The following RASA2 variants were observed in gnomAD, a reference collection of about 807,000 sequenced individuals.
The protein encoded by RASA2 is RAS p21 protein activator 2, also known as ras GTPase-activating protein 2.
RASA2 carries 155 observed loss-of-function variants against 118.2 expected under a neutral mutation model. That is an observed-to-expected ratio of 1.31 (90% CI 1.15 to 1.50). The LOEUF (loss-of-function observed/expected upper bound fraction) is 1.50. RASA2 is among the 40% of genes most tolerant of loss of function. RASA2 has a pLI of 0.00. For synonymous variants in RASA2, 353 were observed against 349.1 expected, an observed-to-expected ratio of 1.01 and a Z score of -0.12; for missense variants, 1,016 against 1,009.6, an observed-to-expected ratio of 1.01 and a Z score of -0.09.
Position 141,572,736 on chromosome 3 carries a change from T to C in RASA2, c.1284+13T>C. On this transcript the variant is annotated intron_variant, in intron 12 of 23. Transcript: ENST00000286364. ...TATTCTTGATGAGGTACAGAATATA[T>C]CTCCAACAATGATAGTTTGTGGCCT... 6.6e-7 allele frequency: 1 copy of C among 1,523,484 alleles called. No individual in the cohort carries two copies. The highest frequency in any genetic ancestry group is 9.0e-7 in the Non-Finnish European group (1 of 1,107,892). The allele number at this position is 1,523,484 out of a possible 1,614,324, so 94.4% of individuals were successfully genotyped here. A position where few individuals can be genotyped will look rare whatever the true frequency, so the allele number is the denominator to read the frequency against.
chr3:141,602,363 A>G (rs895128389), intron 19 of RASA2, among the ~76,000 whole-genome samples: 8 of 152,174 alleles, frequency 5.3e-5, no homozygotes, highest in Non-Finnish European at 1.0e-4. Flanking sequence ...TGCACAACCT[A>G]GATCTGTTGC....
intron 17 of RASA2, among the ~76,000 whole-genome samples, chr3:141,583,388 G>A (rs1183722293): frequency 2.0e-5 from 3 of 152,072 alleles, no homozygotes; most frequent in Non-Finnish European, 4.4e-5. Context: ...TCATGCCATT[G>A]CACTCCAGCT....
At chr3:141,611,460 G>T (rs1577839794) in intron 23 of RASA2, among the ~76,000 whole-genome samples, 1 of 152,188 alleles carries the variant, frequency 6.6e-6, no homozygotes, top group Admixed American at 6.5e-5. Context: ...ACAAAGAAGT[G>T]GATAGGGCGG....
intron 3 of RASA2, among the ~76,000 whole-genome samples, chr3:141,527,968 C>G (rs75916424): frequency 0.017 from 2,641 of 152,002 alleles, 29 homozygotes; most frequent in Non-Finnish European, 0.024. Context: ...TGTATATTCA[C>G]ATAAAGATTT....
chr3:141,571,556 T>C lies in RASA2; in HGVS notation c.1169+2T>C, dbSNP rs1212931279. The C allele has an allele frequency of 1.3e-6, 2 of 1,596,696 alleles. No individual in the cohort carries two copies. Among genetic ancestry groups the C allele is most frequent in the Non-Finnish European group, 1.7e-6 (2 of 1,171,614 alleles). Reference sequence around the variant, plus strand: ...TGAATTAGACTTGAAGGATACACAGTAAGAGTTATATTTTATTAAATGTTA... The same window carrying C: ...TGAATTAGACTTGAAGGATACACAGCAAGAGTTATATTTTATTAAATGTTA... On this transcript the variant is annotated splice_donor_variant, in intron 11 of 23. Transcript: ENST00000286364. LOFTEE classifies it high-confidence loss of function.
intron 21 of RASA2, among the ~76,000 whole-genome samples, chr3:141,608,932 T>C (rs1470573464): frequency 2.0e-5 from 3 of 152,136 alleles, no homozygotes; most frequent in African/African-American, 4.8e-5. Flanking sequence ...AGTAGATTAG[T>C]GGTTACAAGG....
At chr3:141,588,025 GTAAAT>G (rs1264059005) in intron 19 of RASA2, among the ~76,000 whole-genome samples, 2 of 152,144 alleles carry the variant, frequency 1.3e-5, no homozygotes, top group Non-Finnish European at 2.9e-5. Flanking sequence ...TCTTTCTTGT[GTAAAT>G]ATACCCATAA....
chr3:141,535,689 T>C (rs2082317049), intron 4 of RASA2, among the ~76,000 whole-genome samples: 1 of 152,096 alleles, frequency 6.6e-6, no homozygotes, highest in South Asian at 2.1e-4. Flanking sequence ...GCAGGCATAT[T>C]ACATGATGAG....
At chr3:141,487,316 A>C in intron 1 of RASA2, 100 bp downstream of exon 1, 2 of 1,145,576 alleles carry the variant, frequency 1.7e-6, no homozygotes, top group East Asian at 8.6e-5. Flanking sequence ...CTGCGCTGGG[A>C]TCGCGGGCCC....
chr3:141,555,900 C>A lies in RASA2; in HGVS notation c.672C>A (p.Ile224=). 2 of 1,608,216 alleles carry A rather than the reference C, an allele frequency of 1.2e-6. No homozygotes were observed. Among genetic ancestry groups the A allele is most frequent in the Non-Finnish European group, 1.7e-6 (2 of 1,176,912 alleles). The change falls in exon 7 of 24, where the codon ATC becomes ATA. Residue 224 remains isoleucine, a synonymous_variant. Transcript: ENST00000286364. ...KKTSNPQFNE[I]FYFEVTRSSS... is the part of the protein sequence containing the mutation. ...CAAGCAATCCGCAGTTTAATGAAAT[C>A]TTTTATTTTGAGGTAATTTTTTGTT...
chr3:141,565,542 C>T (rs1476648739), intron 9 of RASA2, among the ~76,000 whole-genome samples: 1 of 152,100 alleles, frequency 6.6e-6, no homozygotes, highest in Non-Finnish European at 1.5e-5. Context: ...CCATACTGTT[C>T]TTGTGGTAGT....
At chr3:141,574,122 A>C in intron 14 of RASA2, 55 bp downstream of exon 14, 9 of 1,205,778 alleles carry the variant, frequency 7.5e-6, no homozygotes, top group Non-Finnish European at 9.9e-6. Flanking sequence ...ACTTTTTTAT[A>C]GATATTAATT....
At chr3:141,528,681 A>G (rs1388052216) in intron 3 of RASA2, among the ~76,000 whole-genome samples, 1 of 151,938 alleles carries the variant, frequency 6.6e-6, no homozygotes, top group Non-Finnish European at 1.5e-5. Flanking sequence ...AATTTTAAGC[A>G]TAGTTTGTGT....
intron 1 of RASA2, among the ~76,000 whole-genome samples, chr3:141,505,774 T>G (rs1461583390): frequency 6.6e-6 from 1 of 150,574 alleles, no homozygotes; most frequent in Non-Finnish European, 1.5e-5. Context: ...GTCTCTGTGT[T>G]TGTGTGTGTG....
At chr3:141,574,676 T>C (rs1002349548) in intron 14 of RASA2, among the ~76,000 whole-genome samples, 2 of 152,232 alleles carry the variant, frequency 1.3e-5, no homozygotes, top group African/African-American at 4.8e-5. Context: ...TAACATTATA[T>C]AAGTAAGCAC....
At chr3:141,559,407 TTAAA>T (rs2082697058) in intron 8 of RASA2, among the ~76,000 whole-genome samples, 1 of 152,120 alleles carries the variant, frequency 6.6e-6, no homozygotes, top group Non-Finnish European at 1.5e-5. Context: ...TTCCTGGGTC[TTAAA>T]TATCTATGCC....
At chr3:141,504,685 A>T (rs147123023) in intron 1 of RASA2, among the ~76,000 whole-genome samples, 66 of 152,222 alleles carry the variant, frequency 4.3e-4, no homozygotes, top group African/African-American at 1.5e-3. Flanking sequence ...CTGATTTTAA[A>T]ACAAAAAATC....
intron 17 of RASA2, among the ~76,000 whole-genome samples, chr3:141,583,148 G>T (rs896935123): frequency 6.6e-6 from 1 of 152,132 alleles, no homozygotes; most frequent in Non-Finnish European, 1.5e-5. Flanking sequence ...TATTGGCTGG[G>T]TGCAGTGGCT....
In RASA2 at chr3:141,549,484, C is replaced by CGTGTGCGT. The variant is rs112947735; in HGVS notation, c.528-4368_528-4367insCGTGTGTG. Among the ~76,000 whole-genome samples the CGTGTGCGT allele has an allele frequency of 5.5e-5, 8 of 145,302 alleles. No individual in the cohort carries two copies. In the East Asian group the frequency reaches 1.0e-3, roughly 19 times the overall value. On this transcript the variant is annotated intron_variant, in intron 5 of 23. Transcript: ENST00000286364. ...AGGAGTGTGTATGAGTGTGTGTGTG[C>CGTGTGCGT]GTGTGTGTGTGTGTGTGTGTGTGTG...
Sources: gnomAD v4.1 joint callset for allele counts (sites outside exome capture counted in the v4.1 genomes callset) on GRCh38, gnomAD v4.1.1 for gene constraint, MANE v1.5 for transcripts, NCBI Gene and HGNC (gene_info 2026-07-23, HGNC 2026-07-21) for gene names.